Variants in USH2A observed in about 807,000 individuals in gnomAD.
The protein encoded by USH2A is Usher syndrome 2A (autosomal recessive, mild).
Under a neutral mutation model 538.9 loss-of-function variants are expected in USH2A, and 443 were observed. The ratio of observed to expected loss-of-function variants is 0.82; its 90% confidence interval spans 0.76 to 0.89. The LOEUF (loss-of-function observed/expected upper bound fraction) is 0.89, where lower values mean the gene tolerates loss of function less well. Ranked by LOEUF, USH2A falls within the 40% of genes least tolerant of loss-of-function variation. USH2A has a pLI of 0.00. For missense variants in USH2A, 6,633 were observed against 6,324.8 expected (o/e 1.05, Z -1.65); for synonymous variants, 2,413 against 2,273.5 (o/e 1.06, Z -1.75).
intron 21 of USH2A, among the ~76,000 whole-genome samples, chr1:216,153,010 G>A (rs986886898): frequency 1.3e-5 from 2 of 152,162 alleles, no homozygotes; most frequent in African/African-American, 2.4e-5. Context: ...TTCGGCTGGG[G>A]TTAGTCAGAG....
intron 21 of USH2A, among the ~76,000 whole-genome samples, chr1:216,156,338 TC>T (rs2033939855): frequency 7.1e-6 from 1 of 140,786 alleles, no homozygotes; most frequent in East Asian, 2.2e-4. Context: ...ACTTGCCTCA[TC>T]CTCGGAGAGG....
At chr1:215,893,929 A>G (rs1665264804) in intron 40 of USH2A, among the ~76,000 whole-genome samples, 1 of 152,192 alleles carries the variant, frequency 6.6e-6, no homozygotes, top group Non-Finnish European at 1.5e-5. Flanking sequence ...GAATTTGTTA[A>G]TTCTGAAAAT....
intron 61 of USH2A, among the ~76,000 whole-genome samples, chr1:215,690,998 C>T (rs1658584157): frequency 6.6e-6 from 1 of 152,230 alleles, no homozygotes; most frequent in Non-Finnish European, 1.5e-5. Flanking sequence ...ATTCTTCTGC[C>T]TCATCCTCCT....
At position 216,000,256 on chromosome 1, in the gene USH2A, T is replaced by A. The variant is rs142373445; in HGVS notation, c.6485+147A>T. ...TGGAAATTAGGCTGGCAAGTGATAATCAAAGGTTCCCAGATCCACTGAACT... is the reference window on the plus strand; with the variant it reads ...TGGAAATTAGGCTGGCAAGTGATAAACAAAGGTTCCCAGATCCACTGAACT... On this transcript the variant is annotated intron_variant, in intron 33 of 71. Transcript: ENST00000307340. 487 of 1,142,766 alleles carry A rather than the reference T, an allele frequency of 4.3e-4. 6 individuals are homozygous for A. The East Asian group carries it at 0.011, about 26-fold the overall frequency. The allele number at this position is 1,142,766 out of a possible 1,614,324, so 70.8% of individuals were successfully genotyped here.
Position 215,844,371 on chromosome 1 carries a change from G to A in USH2A, c.9181C>T (p.Leu3061Phe), listed in dbSNP as rs1289191224. Residue 3061 changes from leucine to phenylalanine, a missense_variant, in exon 46 of 72, where the codon CTC becomes TTC. Transcript: ENST00000307340. ...GGCACATTCATTCCAGTCTTGTAGA[G>A]CTTATTATTTACATAGATAGAATAC... ...TEYSIYVNNK[L>F]YKTGMNVPGS... 1 of 1,613,784 alleles carries A rather than the reference G, an allele frequency of 6.2e-7. No individual in the cohort carries two copies. The highest frequency in any genetic ancestry group is 2.2e-5 in the East Asian group (1 of 44,864).
Position 215,790,184 on chromosome 1 carries a change from G to T in USH2A, c.10057C>A (p.Pro3353Thr). 1 of 1,613,964 alleles carries T rather than the reference G, an allele frequency of 6.2e-7. No individual in the cohort carries two copies. The change falls in exon 51 of 72, where the codon CCG (proline) becomes ACG (threonine). Residue 3353 changes from proline (P) to threonine (T), a missense_variant. Physicochemically the swap from Pro to Thr is conservative, Grantham distance 38 (BLOSUM62 -1). Coordinates refer to ENST00000307340, the MANE Select transcript of USH2A (RefSeq NM_206933.4). ...GTCTCACAGCATTTTACTGGCACCG[G>T]GTCATTCTTTTTAATATGTGCTTTA... Reference protein sequence around the residue: ...ESKAHIKKNDPVPVKCCETEL... With the variant: ...ESKAHIKKNDTVPVKCCETEL...
At chr1:216,205,407 G>A (rs1458134878) in intron 16 of USH2A, among the ~76,000 whole-genome samples, 2 of 152,190 alleles carry the variant, frequency 1.3e-5, no homozygotes, top group Non-Finnish European at 2.9e-5. Flanking sequence ...GCATCATGAA[G>A]TTCAGAGTTT....
chr1:216,027,257 C>T (rs1668988714), intron 32 of USH2A, among the ~76,000 whole-genome samples: 1 of 152,070 alleles, frequency 6.6e-6, no homozygotes, highest in Non-Finnish European at 1.5e-5. Flanking sequence ...GGAATAAAGA[C>T]ACCAGGGTGT....
intron 19 of USH2A, among the ~76,000 whole-genome samples, chr1:216,192,561 G>T (rs1275596952): frequency 6.6e-6 from 1 of 151,850 alleles, no homozygotes; most frequent in Non-Finnish European, 1.5e-5. Context: ...AATTAGTCAG[G>T]TGTAGTGGCA....
chr1:215,804,690 T>C (rs1297106094), intron 49 of USH2A, among the ~76,000 whole-genome samples: 1 of 151,876 alleles, frequency 6.6e-6, no homozygotes, highest in East Asian at 1.9e-4. Flanking sequence ...TTAGTGGGAC[T>C]GTAAACTAGT....
rs532162850 is a variant in USH2A, at chr1:216,077,011, A to G, written c.5572+1078T>C. Among the ~76,000 whole-genome samples, 5 of 152,244 alleles carry G rather than the reference A, an allele frequency of 3.3e-5. No homozygotes were observed. The South Asian group carries it at 1.0e-3, about 32-fold the overall frequency. On this transcript the variant is annotated intron_variant, in intron 27 of 71. Transcript: ENST00000307340. Reference sequence around the variant, plus strand: ...TTGACTTTATAACAGGCTGCCTGAGAGACTTAGTGTCTTGCTATCTGCTTA... The same window carrying G: ...TTGACTTTATAACAGGCTGCCTGAGGGACTTAGTGTCTTGCTATCTGCTTA...
At position 216,249,025 on chromosome 1, in the gene USH2A, G is replaced by A. The variant is rs370435950; in HGVS notation, c.2168-1799C>T. Among the ~76,000 whole-genome samples, 16 of 152,074 alleles carry A rather than the reference G, an allele frequency of 1.1e-4. No homozygotes were observed. The South Asian group carries it at 3.3e-3, about 32-fold the overall frequency. On this transcript the variant is annotated intron_variant, in intron 12 of 71. Transcript: ENST00000307340. The stretch of plus-strand genomic sequence containing the variant: ...TTTAACAGTTTTGTTAACTCTAACA[G>A]TTTGCTTTCTGAAGCGTATACAACA...
chr1:215,712,847 C>A (rs1463719199), intron 61 of USH2A, among the ~76,000 whole-genome samples: 2 of 151,902 alleles, frequency 1.3e-5, no homozygotes, highest in Admixed American at 1.3e-4. Flanking sequence ...TGCTCTGTCA[C>A]CCAGGCTGGA....
At chr1:216,320,021 C>T (rs2037576448) in intron 9 of USH2A, among the ~76,000 whole-genome samples, 1 of 152,130 alleles carries the variant, frequency 6.6e-6, no homozygotes, top group Non-Finnish European at 1.5e-5. Flanking sequence ...AATGCACTAA[C>T]ATATAAGCCC....
intron 11 of USH2A, among the ~76,000 whole-genome samples, chr1:216,260,062 T>C (rs1200397955): frequency 2.0e-5 from 3 of 152,034 alleles, no homozygotes. Flanking sequence ...CAATTACCAA[T>C]TTTTGATAAA....
At chr1:215,689,795 G>A (rs532625674) in intron 61 of USH2A, among the ~76,000 whole-genome samples, 40 of 152,300 alleles carry the variant, frequency 2.6e-4, no homozygotes, top group African/African-American at 9.6e-4. Flanking sequence ...GAGATTGGAA[G>A]TAAATGTTTC....
chr1:216,411,391 C>T (rs975552815), intron 3 of USH2A, among the ~76,000 whole-genome samples: 4 of 152,150 alleles, frequency 2.6e-5, no homozygotes, highest in African/African-American at 4.8e-5. Context: ...GTGCCTGTGA[C>T]TCTGACCTTA....
chr1:215,928,843 C>G (rs1666297899), intron 38 of USH2A, among the ~76,000 whole-genome samples: 1 of 152,058 alleles, frequency 6.6e-6, no homozygotes, highest in African/African-American at 2.4e-5. Context: ...ATTCCAGTCT[C>G]TTAAATTCTA....
intron 38 of USH2A, among the ~76,000 whole-genome samples, chr1:215,921,856 T>C (rs942899734): frequency 1.3e-5 from 2 of 152,056 alleles, no homozygotes; most frequent in African/African-American, 4.8e-5. Context: ...AGTTAATATA[T>C]GCAAAACCAC....
Sources: allele counts gnomAD v4.1 joint callset (sites outside exome capture counted in the v4.1 genomes callset), GRCh38; gene constraint gnomAD v4.1.1; transcripts MANE v1.5; gene names NCBI Gene and HGNC (gene_info 2026-07-23, HGNC 2026-07-21).